The following MBNL1 variants were observed in gnomAD, a reference collection of about 807,000 sequenced individuals.
MBNL1 encodes muscleblind-like protein 1.
MBNL1 carries 8 observed loss-of-function variants against 42.2 expected under a neutral mutation model. The observed-to-expected ratio is 0.19, with a 90% CI of 0.11 to 0.34. The LOEUF is 0.34. Ranked by LOEUF, MBNL1 falls within the 10% of genes least tolerant of loss-of-function variation. The pLI, the probability that MBNL1 is intolerant of heterozygous loss-of-function variation, is 1.00. For missense variants in MBNL1, 309 were observed against 495.3 expected, an observed-to-expected ratio of 0.62 and a Z score of 3.57; for synonymous variants, 169 against 173.9, an observed-to-expected ratio of 0.97 and a Z score of 0.22.
chr3:152,326,547 A>G (rs1185662238), intron 2 of MBNL1, among the ~76,000 whole-genome samples: 1 of 152,098 alleles, frequency 6.6e-6, no homozygotes, highest in Non-Finnish European at 1.5e-5. Flanking sequence ...GTGACTTTTA[A>G]TTATATAATT....
At chr3:152,445,125 C>T (rs1183391764) in intron 4 of MBNL1, among the ~76,000 whole-genome samples, 157 bp from the exon 5 acceptor site, 1 of 152,086 alleles carries the variant, frequency 6.6e-6, no homozygotes, top group Non-Finnish European at 1.5e-5. Context: ...TGTAACTAAA[C>T]TAGGAAATGC....
intron 2 of MBNL1, among the ~76,000 whole-genome samples, chr3:152,364,500 T>C (rs2096235238): frequency 6.6e-6 from 1 of 151,978 alleles, no homozygotes. Context: ...GGTGTGGGAG[T>C]TGAAACATAT....
chr3:152,322,214 C>T (rs1178075598), intron 2 of MBNL1, among the ~76,000 whole-genome samples: 3 of 152,044 alleles, frequency 2.0e-5, no homozygotes, highest in Non-Finnish European at 4.4e-5. Flanking sequence ...GTGCCTTAGT[C>T]TTCTTAAGCC....
chr3:152,254,985 G>T (rs1345135914), intron 2 of MBNL1, among the ~76,000 whole-genome samples: 1 of 152,078 alleles, frequency 6.6e-6, no homozygotes, highest in Non-Finnish European at 1.5e-5. Context: ...ATTTATATAT[G>T]GCCTATACCA....
intron 2 of MBNL1, among the ~76,000 whole-genome samples, chr3:152,255,438 C>T (rs557080683): frequency 1.1e-4 from 17 of 152,200 alleles, no homozygotes; most frequent in Middle Eastern, 3.4e-3. Context: ...TTTGGTGGCT[C>T]TGACTTTATG....
intron 5 of MBNL1, chr3:152,446,782 C>T (rs1229981304): frequency 1.2e-6 from 2 of 1,600,454 alleles, no homozygotes; most frequent in African/African-American, 2.7e-5. Flanking sequence ...CACCTTTTAG[C>T]TTGGCATGTA....
intron 2 of MBNL1, among the ~76,000 whole-genome samples, chr3:152,360,603 T>A (rs986786374): frequency 6.6e-6 from 1 of 152,090 alleles, no homozygotes; most frequent in African/African-American, 2.4e-5. Context: ...TCTCCTATGC[T>A]TCTTCTTAGG....
At chr3:152,259,024 C>T (rs990321710) in intron 2 of MBNL1, among the ~76,000 whole-genome samples, 7 of 152,094 alleles carry the variant, frequency 4.6e-5, no homozygotes, top group Non-Finnish European at 1.0e-4. Context: ...CAAAGGTCTC[C>T]GAAGGGGAAA....
In MBNL1 at chr3:152,464,328, A is replaced by G. The variant is rs1244543523; in HGVS notation, c.*1962A>G. 6.6e-6 allele frequency: 1 copy of G among 152,528 alleles called. No individual in the cohort carries two copies. Among genetic ancestry groups the G allele is most frequent in the Non-Finnish European group, 1.5e-5 (1 of 67,960 alleles). The allele number at this position is 152,528 out of a possible 1,614,324, so 9.4% of individuals were successfully genotyped here. The stretch of plus-strand genomic sequence containing the variant: ...TCGTATTGTTAACTAAATGATTTAT[A>G]TTTTACTGATTTAATATTACAGTGT... On this transcript the variant is annotated 3_prime_UTR_variant, in exon 10 of 10. Coordinates refer to ENST00000324210, the MANE Select transcript of MBNL1 (RefSeq NM_021038.5).
intron 2 of MBNL1, chr3:152,300,845 GA>G: frequency 1.8e-6 from 1 of 563,784 alleles, no homozygotes; most frequent in Non-Finnish European, 2.2e-6. Context: ...TGACATTTTA[GA>G]TTTTCTTTTT....
intron 2 of MBNL1, among the ~76,000 whole-genome samples, chr3:152,249,552 C>G (rs1224974335): frequency 7.3e-6 from 1 of 137,868 alleles, no homozygotes; most frequent in Non-Finnish European, 1.6e-5. Context: ...CGAAAATTTT[C>G]TCCCATTTTG....
upstream of MBNL1, chr3:152,264,013 T>A (rs886688680): frequency 1.6e-4 from 25 of 152,232 alleles, no homozygotes; most frequent in African/African-American, 6.0e-4. Context: ...ACCGAGAACC[T>A]TGCCTGCATA....
chr3:152,383,694 G>A (rs960255225), intron 2 of MBNL1, among the ~76,000 whole-genome samples: 19 of 152,080 alleles, frequency 1.2e-4, no homozygotes, highest in Non-Finnish European at 2.5e-4. Flanking sequence ...ATGCTGAGGT[G>A]ATAGATGAAT....
At chr3:152,331,069 ATC>A (rs1199727437) in intron 2 of MBNL1, among the ~76,000 whole-genome samples, 8 of 152,016 alleles carry the variant, frequency 5.3e-5, no homozygotes, top group African/African-American at 1.7e-4. Context: ...GATTAAAAAA[ATC>A]TCTTTTTCTC....
intron 6 of MBNL1, among the ~76,000 whole-genome samples, chr3:152,448,355 C>T (rs567717790): frequency 1.9e-4 from 29 of 152,082 alleles, no homozygotes; most frequent in Non-Finnish European, 3.4e-4. Flanking sequence ...TGGAGTTCTA[C>T]ATTTGTGGTT....
chr3:152,438,545 A>C (rs2099108263), intron 4 of MBNL1, among the ~76,000 whole-genome samples: 1 of 152,332 alleles, frequency 6.6e-6, no homozygotes, highest in South Asian at 2.1e-4. Context: ...TTGGTTATGC[A>C]CCTAGACCTA....
At chr3:152,352,071 T>G (rs2095064213) in intron 2 of MBNL1, among the ~76,000 whole-genome samples, 1 of 152,184 alleles carries the variant, frequency 6.6e-6, no homozygotes, top group South Asian at 2.1e-4. Context: ...CAACATTATA[T>G]TTGAAGTGAA....
chr3:152,382,181 A>G (rs1002414493), intron 2 of MBNL1, among the ~76,000 whole-genome samples: 2 of 152,116 alleles, frequency 1.3e-5, no homozygotes, highest in East Asian at 3.8e-4. Context: ...GAAAAAGCCA[A>G]ATGGAAAACT....
At chr3:152,406,538 A>G (rs969842982) in intron 2 of MBNL1, among the ~76,000 whole-genome samples, 22 of 152,100 alleles carry the variant, frequency 1.4e-4, no homozygotes, top group African/African-American at 5.1e-4. Context: ...AGTGGCAGCT[A>G]CTTTGACTCT....
Sources: allele counts gnomAD v4.1 joint callset (sites outside exome capture counted in the v4.1 genomes callset), GRCh38; gene constraint gnomAD v4.1.1; transcripts MANE v1.5; gene names NCBI Gene and HGNC (gene_info 2026-07-23, HGNC 2026-07-21).